PTPN11: variants seen among roughly 807,000 people sequenced by gnomAD.
The protein encoded by PTPN11 is protein tyrosine phosphatase non-receptor type 11.
In PTPN11, 6 loss-of-function variants were observed where a neutral mutation model predicts 78.8. The ratio of observed to expected loss-of-function variants is 0.08; its 90% CI spans 0.04 to 0.15. The LOEUF (loss-of-function observed/expected upper bound fraction) is 0.15, where lower values mean the gene tolerates loss of function less well. Among genes scored for constraint, PTPN11 ranks in the 10% least tolerant of loss-of-function variants. PTPN11 has a pLI of 1.00. For missense variants in PTPN11, 386 were observed against 744.8 expected (o/e 0.52, Z 5.61); for synonymous variants, 221 against 263.5 (o/e 0.84, Z 1.56).
rs925129380 is a variant in PTPN11, at chr12:112,450,436, G to A, written c.256G>A (p.Gly86Arg). Residue 86 changes from glycine (G) to arginine (R), a missense_variant, in exon 3 of 16, where the codon GGG (glycine) becomes AGG (arginine). Gly to Arg is a moderately radical substitution (Grantham distance 125). Coordinates refer to ENST00000351677, the MANE Select transcript of PTPN11 (RefSeq NM_002834.5). ...GGTCCAGTATTACATGGAACATCAC[G>A]GGCAATTAAAAGAGAAGAATGGAGA... ...ELVQYYMEHH[G>R]QLKEKNGDVI... is the part of the protein sequence containing the mutation. The A allele has an allele frequency of 3.1e-6, 5 of 1,613,892 alleles. No homozygotes were observed. The highest frequency in any genetic ancestry group is 3.4e-6 in the Non-Finnish European group (4 of 1,179,862).
At chr12:112,422,965 G>T (rs2037548198) in intron 1 of PTPN11, among the ~76,000 whole-genome samples, 1 of 152,212 alleles carries the variant, frequency 6.6e-6, no homozygotes, top group Non-Finnish European at 1.5e-5. Flanking sequence ...AACACAGACA[G>T]TACTTGCCAT....
chr12:112,420,406 C>T (rs1320725877), intron 1 of PTPN11, among the ~76,000 whole-genome samples: 7 of 151,430 alleles, frequency 4.6e-5, no homozygotes, highest in African/African-American at 4.9e-5. Flanking sequence ...AGTGCAGTGG[C>T]GCAATCTCGG....
Position 112,506,957 on chromosome 12 carries a change from GAT to G in PTPN11, c.*1166_*1167del. On this transcript the variant is annotated 3_prime_UTR_variant, in exon 16 of 16. Coordinates refer to ENST00000351677, the MANE Select transcript of PTPN11 (RefSeq NM_002834.5). The stretch of plus-strand genomic sequence containing the variant: ...TCTACTTCCCTCTATTGATGATGAT[GAT>G]GATGATGATGATGATGATGATGATG... 1 of 244,666 alleles carries G rather than the reference GAT, an allele frequency of 4.1e-6. No individual in the cohort carries two copies. The highest frequency in any genetic ancestry group is 8.1e-6 in the Non-Finnish European group (1 of 124,218). The allele number at this position is 244,666 out of a possible 1,614,324, so 15.2% of individuals were successfully genotyped here.
intron 1 of PTPN11, among the ~76,000 whole-genome samples, chr12:112,423,780 T>G (rs1380416507): frequency 1.4e-5 from 2 of 142,086 alleles, no homozygotes; most frequent in African/African-American, 5.5e-5. Flanking sequence ...GGTCTTACCC[T>G]GTTGCCCAGG....
chr12:112,486,655 G>A, intron 11 of PTPN11, 26 bp downstream of exon 11: 1 of 1,611,120 alleles, frequency 6.2e-7, no homozygotes, highest in Non-Finnish European at 8.5e-7. Context: ...GCCCCTCTAG[G>A]CCACAGCCTG....
chr12:112,489,575 G>A (rs766178378), intron 13 of PTPN11, among the ~76,000 whole-genome samples: 7 of 152,106 alleles, frequency 4.6e-5, no homozygotes, highest in Non-Finnish European at 7.3e-5. Flanking sequence ...AATAGCGCAC[G>A]GCAGTTTGAA....
chr12:112,419,463 AG>A (rs2037484970), intron 1 of PTPN11, among the ~76,000 whole-genome samples: 2 of 152,274 alleles, frequency 1.3e-5, no homozygotes, highest in Admixed American at 1.3e-4. Context: ...TTGCCTCATG[AG>A]AATTGCCTCA....
chr12:112,428,806 G>A (rs2037663998), intron 1 of PTPN11: 2 of 157,592 alleles, frequency 1.3e-5, no homozygotes, highest in South Asian at 3.7e-4. Context: ...GGAGTGTAAT[G>A]GCGTGATCTC....
intron 1 of PTPN11, among the ~76,000 whole-genome samples, chr12:112,430,897 TATTAA>T (rs2037702933): frequency 6.6e-6 from 1 of 152,220 alleles, no homozygotes; most frequent in African/African-American, 2.4e-5. Flanking sequence ...TGCAAATTCT[TATTAA>T]AATGACTACA....
intron 1 of PTPN11, among the ~76,000 whole-genome samples, chr12:112,435,920 C>T (rs917907172): frequency 1.3e-5 from 2 of 152,098 alleles, no homozygotes; most frequent in Non-Finnish European, 2.9e-5. Flanking sequence ...CATGGTGGCT[C>T]ACACCTGTAA....
At chr12:112,502,445 G>A (rs879711910) in intron 14 of PTPN11, among the ~76,000 whole-genome samples, 189 bp downstream of exon 14, 10 of 152,194 alleles carry the variant, frequency 6.6e-5, no homozygotes, top group Admixed American at 3.9e-4. Context: ...TCTCAACCAC[G>A]TTTTAATTTT....
At chr12:112,439,705 G>A (rs1714366544) in intron 1 of PTPN11, among the ~76,000 whole-genome samples, 1 of 151,290 alleles carries the variant, frequency 6.6e-6, no homozygotes, top group Admixed American at 6.6e-5. Context: ...CCTGACCTCA[G>A]GTGATCTACC....
rs397507533 is a variant in PTPN11, at chr12:112,477,919, C to T, written c.996C>T (p.Gly332=). ...KPKKSYIATQ[G]CLQNTVNDFW... The stretch of plus-strand genomic sequence containing the variant: ...AAAAGAGTTACATTGCCACACAAGG[C>T]TGCCTGCAAAACACGGTGAATGACT... The change falls in exon 9 of 16, where the codon GGC becomes GGT. Residue 332 remains glycine, a synonymous_variant. Coordinates refer to ENST00000351677, the MANE Select transcript of PTPN11 (RefSeq NM_002834.5). 33 of 1,614,170 alleles carry T rather than the reference C, an allele frequency of 2.0e-5. No homozygotes were observed. In the Middle Eastern group the frequency reaches 1.5e-3, roughly 73 times the overall value.
chr12:112,445,065 A>ATG lies in PTPN11; in HGVS notation c.15-1195_15-1194dup, dbSNP rs563997620. Among the ~76,000 whole-genome samples, 670 of 151,442 alleles carry ATG rather than the reference A, an allele frequency of 4.4e-3. 3 individuals carry two copies. The highest frequency in any genetic ancestry group is 0.014 in the African/African-American group (585 of 41,324). On this transcript the variant is annotated intron_variant, in intron 1 of 15. Coordinates refer to ENST00000351677, the MANE Select transcript of PTPN11 (RefSeq NM_002834.5). ...AATGTGTGTGTGTGTGTATATATAT[A>ATG]TGTGTGTGTGTGTGTGTATTCATAA... is the stretch of plus-strand genomic sequence containing the variant.
chr12:112,434,208 A>T (rs1383457057), intron 1 of PTPN11, among the ~76,000 whole-genome samples: 1 of 152,064 alleles, frequency 6.6e-6, no homozygotes, highest in African/African-American at 2.4e-5. Context: ...TGAGCCTGGG[A>T]GGTTGAGGCT....
chr12:112,418,961 C>A lies in PTPN11; in HGVS notation c.-151C>A, dbSNP rs889190246. 5.4e-6 allele frequency: 5 copies of A among 927,158 alleles called. No homozygotes were observed. The highest frequency in any genetic ancestry group is 2.9e-5 in the South Asian group (2 of 69,310). The allele number at this position is 927,158 out of a possible 1,614,324, so 57.4% of individuals were successfully genotyped here. On this transcript the variant is annotated 5_prime_UTR_variant, in exon 1 of 16. Transcript: ENST00000351677. ...GGCAGCTGCACAGTCTCCGGGATCC[C>A]CAGGCCTGGAGGGGGGTCTGTGCGC...
chr12:112,486,010 T>TAATAAC, intron 10 of PTPN11, among the ~76,000 whole-genome samples: 1 of 149,458 alleles, frequency 6.7e-6, no homozygotes, highest in East Asian at 2.0e-4. Flanking sequence ...AATGATACTA[T>TAATAAC]AGTCTGTGTT....
intron 9 of PTPN11, among the ~76,000 whole-genome samples, chr12:112,479,412 G>A (rs1000131437): frequency 2.6e-5 from 4 of 152,158 alleles, no homozygotes; most frequent in Non-Finnish European, 5.9e-5. Flanking sequence ...CTTTGGAGTT[G>A]AGCCTTCCTA....
chr12:112,427,913 G>A (rs554382240), intron 1 of PTPN11, among the ~76,000 whole-genome samples: 1 of 152,184 alleles, frequency 6.6e-6, no homozygotes, highest in Non-Finnish European at 1.5e-5. Context: ...ACTATGCCCA[G>A]TTAAGTTTTT....
Sources: gnomAD v4.1 joint callset for allele counts (sites outside exome capture counted in the v4.1 genomes callset) on GRCh38, gnomAD v4.1.1 for gene constraint, MANE v1.5 for transcripts, NCBI Gene and HGNC (gene_info 2026-07-23, HGNC 2026-07-21) for gene names.